The following RALYL variants were observed in gnomAD, a reference collection of about 807,000 sequenced individuals.
RALYL encodes the protein RALY RNA binding protein like.
Under a neutral mutation model 35.1 loss-of-function variants are expected in RALYL, and 29 were observed. The ratio of observed to expected loss-of-function variants is 0.83; its 90% CI spans 0.61 to 1.13. The LOEUF (loss-of-function observed/expected upper bound fraction) is 1.13, where lower values mean the gene tolerates loss of function less well. RALYL is among the 50% of genes most tolerant of loss of function. The probability of loss-of-function intolerance (pLI) is 0.00; values close to 1 mark genes in which losing one functional copy is unlikely to be tolerated. For synonymous variants in RALYL, 120 were observed against 127.6 expected, an observed-to-expected ratio of 0.94 and a Z score of 0.40; for missense variants, 359 against 360.4, an observed-to-expected ratio of 1.00 and a Z score of 0.03.
At chr8:84,204,259 AAAT>A (rs1817570812) in intron 1 of RALYL, among the ~76,000 whole-genome samples, 1 of 152,164 alleles carries the variant, frequency 6.6e-6, no homozygotes, top group Non-Finnish European at 1.5e-5. Flanking sequence ...CAGAAAAAAA[AAAT>A]GAGAGGAAGA....
At chr8:84,576,407 G>GA (rs890615254) in intron 2 of RALYL, among the ~76,000 whole-genome samples, 6 of 152,140 alleles carry the variant, frequency 3.9e-5, no homozygotes, top group African/African-American at 7.2e-5. Flanking sequence ...CTGGAATTTA[G>GA]AAAAAACAAT....
chr8:84,476,105 C>A (rs966930741), intron 1 of RALYL, among the ~76,000 whole-genome samples: 3 of 152,032 alleles, frequency 2.0e-5, no homozygotes, highest in Non-Finnish European at 4.4e-5. Context: ...AGATGTGGTA[C>A]AGAGGGGAAC....
chr8:84,529,459 A>G lies in RALYL; in HGVS notation c.138A>G (p.Gly46=), dbSNP rs377174506. Residue 46 remains glycine, a synonymous_variant, in exon 2 of 9, where the codon GGA becomes GGG. Coordinates refer to ENST00000521268, the MANE Select transcript of RALYL (RefSeq NM_173848.7). ...TTGAAGCCATTTTTTCAAAGTATGG[A>G]AAAATAGTTGGATGTTCCGTTCACA... is the stretch of plus-strand genomic sequence containing the variant. ...VDIEAIFSKY[G]KIVGCSVHKG... 3.7e-5 allele frequency: 60 copies of G among 1,613,572 alleles called. No homozygotes were observed. In the African/African-American group the frequency reaches 7.2e-4, roughly 19 times the overall value.
chr8:84,633,828 A>G (rs1824452300), intron 2 of RALYL, among the ~76,000 whole-genome samples: 1 of 151,858 alleles, frequency 6.6e-6, no homozygotes, highest in Non-Finnish European at 1.5e-5. Flanking sequence ...AGATCCATCA[A>G]AGTCTATGCA....
At chr8:84,863,026 A>G (rs1175266812) in intron 6 of RALYL, among the ~76,000 whole-genome samples, 1 of 152,226 alleles carries the variant, frequency 6.6e-6, no homozygotes, top group Non-Finnish European at 1.5e-5. Context: ...AAACTTTCCA[A>G]CTAAACACAT....
At chr8:84,575,172 A>T (rs1351699170) in intron 2 of RALYL, among the ~76,000 whole-genome samples, 1 of 152,162 alleles carries the variant, frequency 6.6e-6, no homozygotes, top group Non-Finnish European at 1.5e-5. Context: ...TGAATCTCCC[A>T]TTAAAACCCC....
intron 2 of RALYL, among the ~76,000 whole-genome samples, chr8:84,664,511 G>T (rs1377726867): frequency 6.6e-6 from 1 of 151,696 alleles, no homozygotes; most frequent in Non-Finnish European, 1.5e-5. Flanking sequence ...ATGTCTTTTA[G>T]GTTTGTGGTT....
At chr8:84,527,486 T>A (rs921744170) in intron 1 of RALYL, among the ~76,000 whole-genome samples, 1 of 152,194 alleles carries the variant, frequency 6.6e-6, no homozygotes, top group Non-Finnish European at 1.5e-5. Flanking sequence ...TTGTTTACCC[T>A]TGAAAATAAC....
intron 2 of RALYL, among the ~76,000 whole-genome samples, chr8:84,658,491 T>G (rs1372318431): frequency 2.0e-5 from 3 of 152,142 alleles, no homozygotes; most frequent in Non-Finnish European, 2.9e-5. Flanking sequence ...GCATAGGAAA[T>G]TGTGGATAAA....
intron 1 of RALYL, among the ~76,000 whole-genome samples, chr8:84,499,240 C>T (rs2056412506): frequency 6.6e-6 from 1 of 152,024 alleles, no homozygotes; most frequent in African/African-American, 2.4e-5. Flanking sequence ...GCTTACCTCC[C>T]TCGCGCCTTT....
At chr8:84,889,768 C>A (rs1440324269) in intron 8 of RALYL, among the ~76,000 whole-genome samples, 1 of 152,120 alleles carries the variant, frequency 6.6e-6, no homozygotes, top group African/African-American at 2.4e-5. Context: ...TGCACTTTCC[C>A]AGGCTTCCTC....
At chr8:84,222,771 A>G (rs1452517348) in intron 1 of RALYL, among the ~76,000 whole-genome samples, 1 of 152,162 alleles carries the variant, frequency 6.6e-6, no homozygotes, top group African/African-American at 2.4e-5. Context: ...TCAGCTTCTT[A>G]TGTAACAAGC....
At chr8:84,703,479 T>G (rs938149763) in intron 2 of RALYL, among the ~76,000 whole-genome samples, 10 of 152,156 alleles carry the variant, frequency 6.6e-5, no homozygotes, top group Admixed American at 6.6e-4. Flanking sequence ...ATAGGTGTGA[T>G]GATCGATGAG....
intron 1 of RALYL, among the ~76,000 whole-genome samples, chr8:84,273,548 G>A (rs551723158): frequency 6.6e-6 from 1 of 152,336 alleles, no homozygotes; most frequent in South Asian, 2.1e-4. Flanking sequence ...ATTACACAAG[G>A]ACATGATACA....
At chr8:84,468,419 A>T (rs1360185862) in intron 1 of RALYL, among the ~76,000 whole-genome samples, 1 of 150,990 alleles carries the variant, frequency 6.6e-6, no homozygotes, top group Non-Finnish European at 1.5e-5. Context: ...GTTTGGCTGG[A>T]TATGAAATTC....
chr8:84,423,564 T>G (rs970777732), intron 1 of RALYL, among the ~76,000 whole-genome samples: 4 of 152,142 alleles, frequency 2.6e-5, no homozygotes, highest in Non-Finnish European at 5.9e-5. Flanking sequence ...AATTTAATAT[T>G]GTTATGTGTG....
intron 2 of RALYL, among the ~76,000 whole-genome samples, chr8:84,733,648 T>A (rs1002542889): frequency 2.0e-5 from 3 of 152,172 alleles, no homozygotes; most frequent in Non-Finnish European, 4.4e-5. Context: ...ACCAGAAAAT[T>A]TGAATCCCTC....
intron 1 of RALYL, among the ~76,000 whole-genome samples, chr8:84,372,889 T>TTTTTTTTTTGTTTTGTTTTG (rs1856100676): frequency 9.1e-6 from 1 of 109,604 alleles, no homozygotes; most frequent in African/African-American, 4.3e-5. Flanking sequence ...AGCATCTGTT[T>TTTTTTTTTTGTTTTGTTTTG]TTTTTTTTTT....
chr8:84,508,563 T>C (rs1315720968), intron 1 of RALYL, among the ~76,000 whole-genome samples: 2 of 152,082 alleles, frequency 1.3e-5, no homozygotes, highest in Non-Finnish European at 2.9e-5. Flanking sequence ...AAATTAAAAA[T>C]CTTGAAAGGA....
Sources: gnomAD v4.1 joint callset for allele counts (sites outside exome capture counted in the v4.1 genomes callset) on GRCh38, gnomAD v4.1.1 for gene constraint, MANE v1.5 for transcripts, NCBI Gene and HGNC (gene_info 2026-07-23, HGNC 2026-07-21) for gene names.